Variants in EHHADH observed in about 807,000 individuals in gnomAD.
EHHADH encodes the protein peroxisomal bifunctional enzyme.
A neutral mutation model predicts 64.4 loss-of-function variants in EHHADH; 48 were observed. The ratio of observed to expected loss-of-function variants is 0.75; its 90% CI spans 0.59 to 0.95. The LOEUF (loss-of-function observed/expected upper bound fraction) is 0.95. EHHADH is among the 40% of genes least tolerant of loss of function. EHHADH has a pLI of 0.00. For missense variants in EHHADH, 854 were observed against 876.6 expected (o/e 0.97, Z 0.33); for synonymous variants, 308 against 326.7 (o/e 0.94, Z 0.62).
chr3:185,218,735 A>T (rs985020190), intron 4 of EHHADH, among the ~76,000 whole-genome samples: 33 of 152,210 alleles, frequency 2.2e-4, no homozygotes, highest in Non-Finnish European at 1.0e-4. Flanking sequence ...GTTAAAAAAA[A>T]AAAAGGACCG....
chr3:185,192,381 G>A lies in EHHADH; in HGVS notation c.2017C>T (p.Pro673Ser). The part of the protein sequence containing the change: ...PMFYASTVGL[P>S]TVLEKLQKYY... ...TTCTGCAATTTCTCTAGAACTGTGG[G>A]CAACCCAACTGTGGAAGCATAGAAC... Residue 673 changes from proline to serine, a missense_variant, in exon 7 of 7, where the codon CCC (proline) becomes TCC (serine). Physicochemically the swap from Pro to Ser is moderately conservative, Grantham distance 74. Coordinates refer to ENST00000231887, the MANE Select transcript of EHHADH (RefSeq NM_001966.4). 1 of 1,614,176 alleles carries A rather than the reference G, an allele frequency of 6.2e-7. No individual in the cohort carries two copies. The highest frequency in any genetic ancestry group is 8.5e-7 in the Non-Finnish European group (1 of 1,180,038).
At position 185,213,828 on chromosome 3, in the gene EHHADH, C is replaced by T. The variant is rs1291638381; in HGVS notation, c.568+4308G>A. On this transcript the variant is annotated intron_variant, in intron 5 of 6. Transcript: ENST00000231887. ...CTGAGAAGAGGAGATTGCAGTGAGC[C>T]GAGGTCATGTCATTGCACTCCAGCC... Among the ~76,000 whole-genome samples, 19 of 148,442 alleles carry T rather than the reference C, an allele frequency of 1.3e-4. No individual in the cohort carries two copies. In the East Asian group the frequency reaches 2.0e-3, roughly 15 times the overall value.
Position 185,240,176 on chromosome 3 carries a change from G to A in EHHADH, c.179-4714C>T, listed in dbSNP as rs906389976. Among the ~76,000 whole-genome samples, 20 of 151,462 alleles carry A rather than the reference G, an allele frequency of 1.3e-4. 1 individual carries two copies. Among genetic ancestry groups the A allele is most frequent in the African/African-American group, 4.6e-4 (19 of 41,312 alleles). On this transcript the variant is annotated intron_variant, in intron 2 of 6. Coordinates refer to ENST00000231887, the MANE Select transcript of EHHADH (RefSeq NM_001966.4). ...GGATTTAGTTTGACAGTATTTTGCTGATGATTTTAGCATTTATGTTCATCA... is the reference window on the plus strand; with the variant it reads ...GGATTTAGTTTGACAGTATTTTGCTAATGATTTTAGCATTTATGTTCATCA...
chr3:185,221,760 G>T (rs559028517), intron 4 of EHHADH, among the ~76,000 whole-genome samples: 192 of 151,694 alleles, frequency 1.3e-3, no homozygotes, highest in African/African-American at 3.9e-3. Context: ...TTTTAGTGGA[G>T]ATGAGGTTTC....
intron 2 of EHHADH, among the ~76,000 whole-genome samples, chr3:185,238,188 T>A (rs1719350024): frequency 6.6e-6 from 1 of 152,182 alleles, no homozygotes; most frequent in Admixed American, 6.5e-5. Context: ...ATTCCATGAC[T>A]TTGCTATCAT....
chr3:185,217,526 A>T (rs1718713904), intron 5 of EHHADH, among the ~76,000 whole-genome samples: 1 of 140,876 alleles, frequency 7.1e-6, no homozygotes, highest in African/African-American at 2.7e-5. Flanking sequence ...AGCCTGGGCA[A>T]CAGAGCGGGA....
rs768426442 is a variant in EHHADH, at chr3:185,192,668, T to C, written c.1730A>G (p.Lys577Arg). ...ELGRFGQKTG[K>R]GWYQYDKPLG... The stretch of plus-strand genomic sequence containing the variant: ...TGGCTTGTCATATTGATACCAACCC[T>C]TACCTGTCTTCTGGCCAAATCGTCC... The change falls in exon 7 of 7, where the codon AAG (lysine) becomes AGG (arginine). Residue 577 changes from lysine to arginine, a missense_variant. Physicochemically the swap from Lys to Arg is conservative, Grantham distance 26 (BLOSUM62 2). Transcript: ENST00000231887. 1.2e-6 allele frequency: 2 copies of C among 1,614,078 alleles called. No individual in the cohort carries two copies. The highest frequency in any genetic ancestry group is 2.7e-5 in the African/African-American group (2 of 74,930).
chr3:185,218,141 ACT>A lies in EHHADH; in HGVS notation c.561_562del (p.Arg187SerfsTer10), dbSNP rs1560013367. 1.3e-6 allele frequency: 2 copies of A among 1,593,004 alleles called. No homozygotes were observed. Among genetic ancestry groups the A allele is most frequent in the South Asian group, 1.1e-5 (1 of 89,286 alleles). ...TTTTATTATTATCTTCTTACCTGAA[ACT>A]CTCTGAGCAAATCTGATTGCTTCTT... On this transcript the variant is annotated frameshift_variant, in exon 5 of 7. Transcript: ENST00000231887. LOFTEE classifies it high-confidence loss of function.
rs779053739 is a variant in EHHADH at position 185,204,600 on chromosome 3, C to T, written c.726G>A (p.Gln242=). The change falls in exon 6 of 7, where the codon CAG becomes CAA. Residue 242 remains glutamine, a synonymous_variant. Coordinates refer to ENST00000231887, the MANE Select transcript of EHHADH (RefSeq NM_001966.4). Reference sequence around the variant, plus strand: ...TCTTGATGCCCACTTCATAGGGATACTGCACAGCAGCCTGGACTGCACGGA... The same window carrying T: ...TCTTGATGCCCACTTCATAGGGATATTGCACAGCAGCCTGGACTGCACGGA... ...ACVRAVQAAV[Q]YPYEVGIKKE... 1.9e-6 allele frequency: 3 copies of T among 1,614,246 alleles called. No homozygotes were observed. Among genetic ancestry groups the T allele is most frequent in the Non-Finnish European group, 2.5e-6 (3 of 1,180,036 alleles).
rs377084851 is a variant in EHHADH at position 185,192,218 on chromosome 3, A to G, written c.*8T>C. 133 of 1,607,816 alleles carry G rather than the reference A, an allele frequency of 8.3e-5. No individual in the cohort carries two copies. The highest frequency in any genetic ancestry group is 1.1e-4 in the Non-Finnish European group (128 of 1,177,058). On this transcript the variant is annotated 3_prime_UTR_variant, in exon 7 of 7. Coordinates refer to ENST00000231887, the MANE Select transcript of EHHADH (RefSeq NM_001966.4). ...GCTAGCATGTGAGGCATAATCTGGA[A>G]GACTGAATCACAATTTACTGCTAGG...
intron 5 of EHHADH, among the ~76,000 whole-genome samples, chr3:185,211,171 T>C (rs1718530624): frequency 6.6e-6 from 1 of 152,224 alleles, no homozygotes; most frequent in South Asian, 2.1e-4. Flanking sequence ...ATAAGTACAG[T>C]TGTTTTCAAA....
At chr3:185,240,024 A>G (rs1719403987) in intron 2 of EHHADH, among the ~76,000 whole-genome samples, 1 of 152,078 alleles carries the variant, frequency 6.6e-6, no homozygotes, top group African/African-American at 2.4e-5. Flanking sequence ...TTCTGCATCT[A>G]TTGAGGTGAT....
At chr3:185,208,513 G>GTGATGATATAAAAAAA (rs1718457123) in intron 5 of EHHADH, among the ~76,000 whole-genome samples, 2 of 152,204 alleles carry the variant, frequency 1.3e-5, no homozygotes, top group African/African-American at 2.4e-5. Context: ...ATAATAAAAA[G>GTGATGATATAAAAAAA]CCATCACTAC....
chr3:185,218,646 T>A (rs1027052037), intron 4 of EHHADH, among the ~76,000 whole-genome samples: 5 of 152,006 alleles, frequency 3.3e-5, no homozygotes, highest in Admixed American at 3.3e-4. Context: ...TAGTTTTTTA[T>A]AATAATAATA....
chr3:185,220,614 C>G (rs997520742), intron 4 of EHHADH, among the ~76,000 whole-genome samples: 2 of 152,160 alleles, frequency 1.3e-5, no homozygotes, highest in African/African-American at 4.8e-5. Flanking sequence ...GGACTTTTAT[C>G]CTGTATCAAA....
chr3:185,218,118 T>C lies in EHHADH; in HGVS notation c.568+18A>G. The C allele has an allele frequency of 1.9e-6, 3 of 1,565,966 alleles. No individual in the cohort carries two copies. Among genetic ancestry groups the C allele is most frequent in the Non-Finnish European group, 2.6e-6 (3 of 1,146,698 alleles). ...TCCTGTTTACAGTCTTTGGCTATTT[T>C]TATTATTATCTTCTTACCTGAAACT... On this transcript the variant is annotated intron_variant, in intron 5 of 6. Transcript: ENST00000231887.
intron 4 of EHHADH, among the ~76,000 whole-genome samples, chr3:185,223,397 T>G (rs1047001165): frequency 7.2e-5 from 11 of 152,150 alleles, no homozygotes; most frequent in Non-Finnish European, 4.4e-5. Flanking sequence ...TTTCTAAAAT[T>G]TTTTGTTTTC....
At position 185,192,471 on chromosome 3, in the gene EHHADH, G is replaced by A. The variant is rs1168958629; in HGVS notation, c.1927C>T (p.Pro643Ser). The change falls in exon 7 of 7, where the codon CCA becomes TCA. Residue 643 changes from proline to serine, a missense_variant. Transcript: ENST00000231887. The stretch of plus-strand genomic sequence containing the variant: ...AAATAGACAACATCAATGTGCTCTG[G>A]GCTAGCAGCTATCCCTTCTCCCAAG... ...RILGEGIAAS[P>S]EHIDVVYLHG... The A allele has an allele frequency of 6.2e-7, 1 of 1,614,064 alleles. No homozygotes were observed. Among genetic ancestry groups the A allele is most frequent in the Non-Finnish European group, 8.5e-7 (1 of 1,180,036 alleles).
At chr3:185,222,142 G>A (rs999954122) in intron 4 of EHHADH, among the ~76,000 whole-genome samples, 1 of 152,058 alleles carries the variant, frequency 6.6e-6, no homozygotes, top group South Asian at 2.1e-4. Context: ...CACTTTGGGA[G>A]GCCAAGGCAG....
Sources: gnomAD v4.1 joint callset for allele counts (sites outside exome capture counted in the v4.1 genomes callset) on GRCh38, gnomAD v4.1.1 for gene constraint, MANE v1.5 for transcripts, NCBI Gene and HGNC (gene_info 2026-07-23, HGNC 2026-07-21) for gene names.